The following CNTLN variants were observed in gnomAD, a reference collection of about 807,000 sequenced individuals.
CNTLN encodes centlein.
A neutral mutation model predicts 180.0 loss-of-function variants in CNTLN; 212 were observed. The ratio of observed to expected loss-of-function variants is 1.18; its 90% CI spans 1.05 to 1.32. CNTLN has a LOEUF of 1.32. Ranked by LOEUF, CNTLN falls within the 40% of genes most tolerant of loss-of-function variation. The pLI, the probability that CNTLN is intolerant of heterozygous loss-of-function variation, is 0.00. For missense variants in CNTLN, 2,095 were observed against 1,610.9 expected (o/e 1.30, Z -5.14); for synonymous variants, 722 against 563.1 (o/e 1.28, Z -3.99).
chr9:17,429,354 G>A (rs1261808222), intron 18 of CNTLN, among the ~76,000 whole-genome samples: 1 of 151,976 alleles, frequency 6.6e-6, no homozygotes, highest in Non-Finnish European at 1.5e-5. Context: ...TGTAGACTGT[G>A]GCAACAGTTG....
chr9:17,247,359 C>T (rs754670432), intron 5 of CNTLN, among the ~76,000 whole-genome samples: 7 of 152,180 alleles, frequency 4.6e-5, no homozygotes, highest in Non-Finnish European at 8.8e-5. Context: ...ATGTTCCCTC[C>T]ATGGTGCCAG....
At chr9:17,297,092 A>G (rs1204923932) in intron 6 of CNTLN, among the ~76,000 whole-genome samples, 1 of 152,212 alleles carries the variant, frequency 6.6e-6, no homozygotes, top group African/African-American at 2.4e-5. Flanking sequence ...CCAATCATGA[A>G]TTGAAAATAT....
In CNTLN at chr9:17,332,089, G is replaced by C. The variant is rs183329552; in HGVS notation, c.1519-516G>C. 2.2e-3 allele frequency among the ~76,000 whole-genome samples: 341 copies of C among 152,076 alleles called. 2 individuals are homozygous for C. Among genetic ancestry groups the C allele is most frequent in the Admixed American group, 2.6e-3 (40 of 15,266 alleles). ...TAATATAAACGTATTCTTGTCTCTAGTTAGCCACATTATAGTTAATGACCA... is the reference window on the plus strand; with the variant it reads ...TAATATAAACGTATTCTTGTCTCTACTTAGCCACATTATAGTTAATGACCA... On this transcript the variant is annotated intron_variant, in intron 9 of 25. Coordinates refer to ENST00000380647, the MANE Select transcript of CNTLN (RefSeq NM_017738.4).
rs188727420 is a variant in CNTLN, at chr9:17,168,418, A to C, written c.449+25042A>C. On this transcript the variant is annotated intron_variant, in intron 2 of 25. Coordinates refer to ENST00000380647, the MANE Select transcript of CNTLN (RefSeq NM_017738.4). ...TAAGAAATAAGTAATATATGACCTA[A>C]TGAATACATTTATGGATGGTACTTG... 2.8e-4 allele frequency: 43 copies of C among 152,298 alleles called. No individual in the cohort carries two copies. In the East Asian group the frequency reaches 7.1e-3, roughly 25 times the overall value. The allele number at this position is 152,298 out of a possible 1,614,324, so 9.4% of individuals were successfully genotyped here.
intron 18 of CNTLN, 135 bp from the exon 19 acceptor site, chr9:17,457,389 T>G: frequency 2.0e-6 from 1 of 505,690 alleles, no homozygotes; most frequent in East Asian, 4.6e-5. Flanking sequence ...TTTGTAAAGT[T>G]TGTATAATAA....
chr9:17,446,273 C>T (rs1402888945), intron 18 of CNTLN, among the ~76,000 whole-genome samples: 3 of 152,180 alleles, frequency 2.0e-5, no homozygotes, highest in Admixed American at 2.0e-4. Flanking sequence ...TCCTAAGTCT[C>T]TCGTTCCACC....
chr9:17,406,934 G>A (rs1448436815), intron 15 of CNTLN, among the ~76,000 whole-genome samples: 1 of 149,268 alleles, frequency 6.7e-6, no homozygotes, highest in Admixed American at 6.7e-5. Context: ...TGTGAAATAT[G>A]CTGCTTTTTA....
At position 17,488,728 on chromosome 9, in the gene CNTLN, C is replaced by T. The variant is rs934511576; in HGVS notation, c.4119+1662C>T. Among the ~76,000 whole-genome samples the T allele has an allele frequency of 2.6e-5, 4 of 152,198 alleles. No homozygotes were observed. In the East Asian group the frequency reaches 5.8e-4, roughly 22 times the overall value. On this transcript the variant is annotated intron_variant, in intron 25 of 25. Transcript: ENST00000380647. ...GAAAATGGCATCAGACTGCTTAATA[C>T]TGCAGCTTGATATAGTGCCTTTTTG...
At chr9:17,178,846 G>A (rs948886885) in intron 2 of CNTLN, among the ~76,000 whole-genome samples, 3 of 152,174 alleles carry the variant, frequency 2.0e-5, no homozygotes, top group African/African-American at 7.2e-5. Context: ...GCAGCGGTGG[G>A]CTGAAGGGCT....
chr9:17,294,858 GGAGGAGGGCGGAGGGAGT>G, intron 6 of CNTLN, among the ~76,000 whole-genome samples: 1 of 51,972 alleles, frequency 1.9e-5, no homozygotes, highest in African/African-American at 8.4e-5. Context: ...CGGGGAGGAG[GGAGGAGGGCGGAGGGAGT>G]GGGGGGAGGG....
chr9:17,284,114 C>G (rs576888650), intron 6 of CNTLN, among the ~76,000 whole-genome samples: 26 of 152,204 alleles, frequency 1.7e-4, no homozygotes, highest in Admixed American at 3.9e-4. Context: ...CTCCACCTCA[C>G]AGATTCAAGC....
chr9:17,204,463 C>G (rs1822772571), intron 2 of CNTLN, among the ~76,000 whole-genome samples: 1 of 152,022 alleles, frequency 6.6e-6, no homozygotes, highest in Non-Finnish European at 1.5e-5. Flanking sequence ...TGCTGGAGGT[C>G]CAGTCCAGAC....
intron 13 of CNTLN, among the ~76,000 whole-genome samples, chr9:17,382,641 T>C (rs1026312611): frequency 6.6e-6 from 1 of 152,198 alleles, no homozygotes; most frequent in East Asian, 1.9e-4. Flanking sequence ...ACAAAAATTG[T>C]TCTAAAACCC....
chr9:17,452,779 A>G (rs936361313), intron 18 of CNTLN, among the ~76,000 whole-genome samples: 2 of 152,140 alleles, frequency 1.3e-5, no homozygotes, highest in African/African-American at 4.8e-5. Context: ...CCACGAAAAA[A>G]AGCAGTTTGT....
intron 3 of CNTLN, among the ~76,000 whole-genome samples, chr9:17,234,675 C>G (rs1038443260): frequency 2.0e-5 from 3 of 150,842 alleles, no homozygotes; most frequent in African/African-American, 7.3e-5. Flanking sequence ...GAGCATATTA[C>G]TTAAAAAAAA....
chr9:17,289,007 C>G (rs936565955), intron 6 of CNTLN, among the ~76,000 whole-genome samples: 5 of 122,912 alleles, frequency 4.1e-5, no homozygotes, highest in Non-Finnish European at 8.2e-5. Flanking sequence ...AGTCCATTTA[C>G]ATTTAAAGTT....
intron 2 of CNTLN, among the ~76,000 whole-genome samples, chr9:17,201,118 A>G (rs1822495693): frequency 6.6e-6 from 1 of 152,124 alleles, no homozygotes; most frequent in Non-Finnish European, 1.5e-5. Context: ...GGTTCTGTTT[A>G]TGTGATGGAT....
chr9:17,154,368 G>A (rs574006477), intron 2 of CNTLN, among the ~76,000 whole-genome samples: 15 of 152,280 alleles, frequency 9.9e-5, no homozygotes, highest in African/African-American at 3.6e-4. Context: ...CTTTCTGTTT[G>A]TTTCTTTTCC....
chr9:17,289,203 A>G (rs370812881), intron 6 of CNTLN, among the ~76,000 whole-genome samples: 2 of 112,894 alleles, frequency 1.8e-5, no homozygotes, highest in African/African-American at 4.3e-5. Context: ...GGGCAGGCCT[A>G]GTGGTGACAA....
Sources: gnomAD v4.1 joint callset for allele counts (sites outside exome capture counted in the v4.1 genomes callset) on GRCh38, gnomAD v4.1.1 for gene constraint, MANE v1.5 for transcripts, NCBI Gene and HGNC (gene_info 2026-07-23, HGNC 2026-07-21) for gene names.